DCC: variants seen among roughly 807,000 people sequenced by gnomAD.
DCC encodes netrin receptor DCC.
DCC carries 58 observed loss-of-function variants against 172.5 expected under a neutral mutation model. The observed-to-expected ratio is 0.34, with a 90% CI of 0.27 to 0.42. DCC has a LOEUF of 0.42. Among genes scored for constraint, DCC ranks in the 10% least tolerant of loss-of-function variants. The probability of loss-of-function intolerance (pLI) is 1.00; values close to 1 mark genes in which losing one functional copy is unlikely to be tolerated. For synonymous variants in DCC, 709 were observed against 644.5 expected, an observed-to-expected ratio of 1.10 and a Z score of -1.52; for missense variants, 1,740 against 1,791.0, an observed-to-expected ratio of 0.97 and a Z score of 0.51.
chr18:53,500,330 A>G (rs188453622), intron 27 of DCC, among the ~76,000 whole-genome samples: 1 of 152,298 alleles, frequency 6.6e-6, no homozygotes, highest in East Asian at 1.9e-4. Context: ...AATTATTTGG[A>G]ATATTAGAAT....
At chr18:52,891,437 T>G (rs2039649371) in intron 2 of DCC, among the ~76,000 whole-genome samples, 1 of 152,134 alleles carries the variant, frequency 6.6e-6, no homozygotes, top group African/African-American at 2.4e-5. Context: ...TGACCACATA[T>G]TAGGTTGTTT....
chr18:53,122,265 T>C (rs560977143), intron 7 of DCC, among the ~76,000 whole-genome samples: 9 of 152,168 alleles, frequency 5.9e-5, no homozygotes, highest in African/African-American at 1.2e-4. Context: ...GTAATAGATA[T>C]AGAAATAGAA....
intron 2 of DCC, among the ~76,000 whole-genome samples, chr18:52,890,411 G>T (rs779161187): frequency 3.3e-5 from 5 of 152,020 alleles, no homozygotes; most frequent in Non-Finnish European, 7.4e-5. Context: ...TACTGATAAA[G>T]AAATATAGGA....
intron 23 of DCC, among the ~76,000 whole-genome samples, chr18:53,458,699 C>T (rs1341963738): frequency 6.6e-6 from 1 of 152,190 alleles, no homozygotes; most frequent in African/African-American, 2.4e-5. Flanking sequence ...GTTTTATTCT[C>T]CTAAGAATAT....
At chr18:53,159,226 AT>A in intron 8 of DCC, among the ~76,000 whole-genome samples, 1 of 152,160 alleles carries the variant, frequency 6.6e-6, no homozygotes, top group South Asian at 2.1e-4. Context: ...GGTACCTTAA[AT>A]TCAACCTGCC....
At chr18:52,839,054 ATAACTT>A (rs1294017664) in intron 2 of DCC, among the ~76,000 whole-genome samples, 1 of 152,216 alleles carries the variant, frequency 6.6e-6, no homozygotes, top group Non-Finnish European at 1.5e-5. Flanking sequence ...AGGAAAAAAA[ATAACTT>A]TAGAGTTTAG....
intron 24 of DCC, among the ~76,000 whole-genome samples, chr18:53,461,143 G>A (rs1291089142): frequency 2.0e-5 from 3 of 152,146 alleles, no homozygotes; most frequent in African/African-American, 7.2e-5. Context: ...TTATTTTCTT[G>A]TAAATTTGTT....
At chr18:52,536,460 C>A (rs1454041907) in intron 1 of DCC, among the ~76,000 whole-genome samples, 1 of 152,022 alleles carries the variant, frequency 6.6e-6, no homozygotes, top group Non-Finnish European at 1.5e-5. Context: ...CCTCACAGAT[C>A]CAAAGAAAAA....
chr18:53,142,419 G>A (rs2043844709), intron 7 of DCC, among the ~76,000 whole-genome samples: 1 of 152,112 alleles, frequency 6.6e-6, no homozygotes, highest in Non-Finnish European at 1.5e-5. Flanking sequence ...CACTGTCGTT[G>A]TTCCTTTTTT....
chr18:53,305,528 C>A lies in DCC; in HGVS notation c.1912-50C>A, dbSNP rs182096770. The A allele has an allele frequency of 2.5e-5, 37 of 1,499,254 alleles. No homozygotes were observed. The East Asian group carries it at 7.7e-4, about 31-fold the overall frequency. 92.9% of individuals were successfully genotyped at this position (1,499,254 alleles called of 1,614,324 possible). A position where few individuals can be genotyped will look rare whatever the true frequency, so the allele number is the denominator to read the frequency against. On this transcript the variant is annotated intron_variant, in intron 12 of 28. Coordinates refer to ENST00000442544, the MANE Select transcript of DCC (RefSeq NM_005215.4). ...TTGGGTTACTTCTTTGACCCTGTCC[C>A]ATTGTCCTTTCTTTCTTCAATGTTT... is the stretch of plus-strand genomic sequence containing the variant.
chr18:53,437,740 C>G (rs1007366699), intron 22 of DCC, among the ~76,000 whole-genome samples: 1 of 152,096 alleles, frequency 6.6e-6, no homozygotes, highest in African/African-American at 2.4e-5. Flanking sequence ...CACTCTCGTG[C>G]TCCAAATTTT....
At chr18:52,830,805 A>G (rs1486905923) in intron 2 of DCC, among the ~76,000 whole-genome samples, 1 of 152,174 alleles carries the variant, frequency 6.6e-6, no homozygotes, top group Non-Finnish European at 1.5e-5. Flanking sequence ...TAGGTTTATC[A>G]AACCCCTACT....
In DCC at chr18:53,066,037, T is replaced by C; in HGVS notation, c.1141-9T>C. 1 of 1,612,794 alleles carries C rather than the reference T, an allele frequency of 6.2e-7. No homozygotes were observed. Among genetic ancestry groups the C allele is most frequent in the South Asian group, 1.1e-5 (1 of 91,072 alleles). ...CTAAAATACTTTACCTGCTTTTTCT[T>C]TTCCCTAGGGAGGAAGCAACTTACG... On this transcript the variant is annotated splice_polypyrimidine_tract_variant and intron_variant, in intron 6 of 28. Transcript: ENST00000442544.
intron 14 of DCC, among the ~76,000 whole-genome samples, chr18:53,331,317 T>C (rs968336438): frequency 6.6e-6 from 1 of 152,230 alleles, no homozygotes; most frequent in Non-Finnish European, 1.5e-5. Flanking sequence ...TCATTTAGCA[T>C]ACCACTTGGC....
intron 1 of DCC, among the ~76,000 whole-genome samples, chr18:52,363,741 T>G (rs530181725): frequency 6.6e-6 from 1 of 152,324 alleles, no homozygotes; most frequent in South Asian, 2.1e-4. Context: ...ATTAGCATAC[T>G]TCCTCACTGA....
intron 2 of DCC, 82 bp from the exon 3 acceptor site, chr18:52,905,962 A>G (rs2039875618): frequency 3.1e-6 from 3 of 969,480 alleles, no homozygotes; most frequent in Non-Finnish European, 4.9e-6. Flanking sequence ...TTTTCTACAA[A>G]GAATACAAAG....
chr18:53,178,970 C>T lies in DCC; in HGVS notation c.1427C>T (p.Ala476Val), dbSNP rs754951567. The change falls in exon 9 of 29, where the codon GCA (alanine) becomes GTA (valine). Residue 476 changes from alanine (A) to valine (V), a missense_variant. By Grantham distance (64) the Ala-to-Val change is moderately conservative. Around this residue, in one of 2 missense-constraint regions of DCC, gnomAD observed 1,732 missense variants for 1,767.4 expected, o/e 0.98. Coordinates refer to ENST00000442544, the MANE Select transcript of DCC (RefSeq NM_005215.4). ...CAACTTTGATTTCTCAGGGAACGAGCATTGAATACAACACAGCCTGGGTCC... is the reference window on the plus strand; with the variant it reads ...CAACTTTGATTTCTCAGGGAACGAGTATTGAATACAACACAGCCTGGGTCC... ...FSREGDNRERALNTTQPGSLQ... is the reference protein window; with the variant it reads ...FSREGDNRERVLNTTQPGSLQ... The T allele has an allele frequency of 4.3e-6, 7 of 1,613,988 alleles. No homozygotes were observed. The highest frequency in any genetic ancestry group is 5.9e-6 in the Non-Finnish European group (7 of 1,179,916).
At chr18:53,260,615 T>TG (rs1051469687) in intron 12 of DCC, among the ~76,000 whole-genome samples, 1 of 152,112 alleles carries the variant, frequency 6.6e-6, no homozygotes, top group African/African-American at 2.4e-5. Flanking sequence ...CTGCCCCTAC[T>TG]GGGGGGTGCC....
intron 1 of DCC, among the ~76,000 whole-genome samples, chr18:52,702,447 G>T (rs539192846): frequency 1.3e-5 from 2 of 152,244 alleles, no homozygotes; most frequent in South Asian, 4.1e-4. Context: ...ACACCCCTGA[G>T]TATGGTTCTT....
Sources: allele counts gnomAD v4.1 joint callset (sites outside exome capture counted in the v4.1 genomes callset), GRCh38; gene constraint gnomAD v4.1.1; regional missense constraint gnomAD v4.1.1; transcripts MANE v1.5; gene names NCBI Gene and HGNC (gene_info 2026-07-23, HGNC 2026-07-21).